The following GLS2 variants were observed in gnomAD, a reference collection of about 807,000 sequenced individuals.
GLS2 encodes glutaminase 2.
A neutral mutation model predicts 79.0 loss-of-function variants in GLS2; 52 were observed. The ratio of observed to expected loss-of-function variants is 0.66; its 90% confidence interval spans 0.53 to 0.83. The LOEUF is 0.83. Among genes scored for constraint, GLS2 ranks in the 40% least tolerant of loss-of-function variants. The probability of loss-of-function intolerance (pLI) is 0.00; values close to 1 mark genes in which losing one functional copy is unlikely to be tolerated. For missense variants in GLS2, 561 were observed against 764.8 expected (o/e 0.73, Z 3.14); for synonymous variants, 238 against 280.8 (o/e 0.85, Z 1.52).
At position 56,479,040 on chromosome 12, in the gene GLS2, CCTGA is replaced by C. The variant is rs1870074401; in HGVS notation, c.534+8_534+11del. ...AGGTCCCTGACCCCTCCCTTAGTCC[CCTGA>C]CTCTCACTTTGCCTCCAGTGAGCTC... On this transcript the variant is annotated splice_region_variant and intron_variant, in intron 4 of 17. Transcript: ENST00000311966. 1 of 1,613,170 alleles carries C rather than the reference CCTGA, an allele frequency of 6.2e-7. No homozygotes were observed. The highest frequency in any genetic ancestry group is 1.3e-5 in the African/African-American group (1 of 74,884).
At chr12:56,478,711 A>G in intron 4 of GLS2, 2 of 279,168 alleles carry the variant, frequency 7.2e-6, no homozygotes, top group Non-Finnish European at 6.9e-6. Context: ...AGCGAGGTAT[A>G]TCTAGGTGTG....
intron 12 of GLS2, chr12:56,474,284 T>G (rs1410186085): frequency 2.2e-6 from 1 of 448,070 alleles, no homozygotes; most frequent in Non-Finnish European, 4.1e-6. Context: ...AGATGGGGTT[T>G]CACCATGTAG....
chr12:56,486,014 C>CAAA lies in GLS2; in HGVS notation c.182+1920_182+1922dup, dbSNP rs11414489. Among the ~76,000 whole-genome samples the CAAA allele has an allele frequency of 9.5e-3, 890 of 93,300 alleles. 27 individuals carry two copies. Among genetic ancestry groups the CAAA allele is most frequent in the Middle Eastern group, 0.03 (5 of 166 alleles). 61.2% of individuals were successfully genotyped at this position (93,300 alleles called of 152,430 possible). A position where few individuals can be genotyped will look rare whatever the true frequency, so the allele number is the denominator to read the frequency against. On this transcript the variant is annotated intron_variant, in intron 1 of 17. Transcript: ENST00000311966. ...CTGGGCGGCAAAGAGACTCTGTCTCCAAAAAAAAAAAAAAAAAAAAGTCAT... is the reference window on the plus strand; with the variant it reads ...CTGGGCGGCAAAGAGACTCTGTCTCCAAAAAAAAAAAAAAAAAAAAAAAGTCAT...
At chr12:56,485,431 A>AT (rs1360484028) in intron 1 of GLS2, among the ~76,000 whole-genome samples, 1,934 of 141,398 alleles carry the variant, frequency 0.014, 39 homozygotes, top group African/African-American at 0.042. Flanking sequence ...TAATTTCTGT[A>AT]TTTTTTTTTT....
chr12:56,474,609 G>A lies in GLS2; in HGVS notation c.1159C>T (p.Arg387Cys), dbSNP rs1267174068. The A allele has an allele frequency of 5.0e-6, 8 of 1,614,046 alleles. No individual in the cohort carries two copies. The highest frequency in any genetic ancestry group is 1.7e-5 in the Admixed American group (1 of 60,002). ...GAATGCATGAGGCTGAGGGTGTTGC[G>A]CACTGCTTCAGCACTCAGCACACTC... Reference protein sequence around the residue: ...GESVLSAEAVRNTLSLMHSCG... With the variant: ...GESVLSAEAVCNTLSLMHSCG... Residue 387 changes from arginine (R) to cysteine (C), a missense_variant, in exon 12 of 18, where the codon CGC (arginine) becomes TGC (cysteine). Coordinates refer to ENST00000311966, the MANE Select transcript of GLS2 (RefSeq NM_013267.4).
intron 12 of GLS2, chr12:56,474,084 T>C (rs114543535): frequency 0.017 from 2,575 of 148,804 alleles, 84 homozygotes; most frequent in African/African-American, 0.066. Flanking sequence ...CTGGTTGTTT[T>C]TCTTTTTCTT....
intron 1 of GLS2, among the ~76,000 whole-genome samples, chr12:56,483,950 A>G (rs974811932): frequency 6.6e-6 from 1 of 152,118 alleles, no homozygotes; most frequent in African/African-American, 2.4e-5. Context: ...CAGGCACAGG[A>G]TATTTCTAGA....
At chr12:56,474,287 C>T in intron 12 of GLS2, 1 of 456,108 alleles carries the variant, frequency 2.2e-6, no homozygotes, top group Non-Finnish European at 4.0e-6. Context: ...TGGGGTTTCA[C>T]CATGTAGGTC....
intron 1 of GLS2, among the ~76,000 whole-genome samples, chr12:56,487,153 C>T (rs1477902623): frequency 2.6e-5 from 4 of 152,168 alleles, no homozygotes; most frequent in African/African-American, 9.7e-5. Flanking sequence ...GACAAGATTT[C>T]CTGCTCAGCA....
At chr12:56,480,222 C>T in intron 2 of GLS2, 66 bp downstream of exon 2, 2 of 1,399,984 alleles carry the variant, frequency 1.4e-6, no homozygotes, top group Non-Finnish European at 2.0e-6. Context: ...CTTGTCATAC[C>T]CTCCTTTCCC....
chr12:56,488,097 G>T lies in GLS2; in HGVS notation c.22C>A (p.Gln8Lys), dbSNP rs1303572369. 11 of 1,561,392 alleles carry T rather than the reference G, an allele frequency of 7.0e-6. No homozygotes were observed. Among genetic ancestry groups the T allele is most frequent in the Non-Finnish European group, 6.9e-6 (8 of 1,160,402 alleles). The part of the protein sequence containing the change: MRSMKAL[Q>K]KALSRAGSHC... ...CTGCCAGCCCGGCTCAGGGCCTTCTGCAGAGCCTTCATGGAGCGCATGCCC... is the reference window on the plus strand; with the variant it reads ...CTGCCAGCCCGGCTCAGGGCCTTCTTCAGAGCCTTCATGGAGCGCATGCCC... The change falls in exon 1 of 18, where the codon CAG becomes AAG. Residue 8 changes from glutamine to lysine, a missense_variant. Coordinates refer to ENST00000311966, the MANE Select transcript of GLS2 (RefSeq NM_013267.4).
chr12:56,483,901 C>T (rs1018996169), intron 1 of GLS2, among the ~76,000 whole-genome samples: 5 of 151,572 alleles, frequency 3.3e-5, no homozygotes, highest in African/African-American at 1.2e-4. Context: ...GGTTGAAGCA[C>T]AGGTTTAAAA....
At chr12:56,475,544 C>T in intron 9 of GLS2, 80 bp downstream of exon 9, 1 of 1,424,230 alleles carries the variant, frequency 7.0e-7, no homozygotes, top group South Asian at 1.2e-5. Context: ...ATTCTCTCTC[C>T]CCCATTCCTC....
At chr12:56,482,503 A>C (rs1870374103) in intron 1 of GLS2, among the ~76,000 whole-genome samples, 1 of 152,216 alleles carries the variant, frequency 6.6e-6, no homozygotes, top group Non-Finnish European at 1.5e-5. Context: ...TGCCGGTTTG[A>C]CACAACACAC....
intron 1 of GLS2, among the ~76,000 whole-genome samples, chr12:56,483,611 G>A (rs1219531649): frequency 6.6e-6 from 1 of 151,942 alleles, no homozygotes; most frequent in Non-Finnish European, 1.5e-5. Flanking sequence ...TAGTATTTAT[G>A]TTTGTTTGTT....
chr12:56,477,816 G>T, intron 6 of GLS2, 98 bp from the exon 7 acceptor site: 1 of 1,540,956 alleles, frequency 6.5e-7, no homozygotes, highest in Non-Finnish European at 8.8e-7. Flanking sequence ...CTGCTAGGGA[G>T]AAAGGCATGA....
chr12:56,485,341 C>T (rs1426314703), intron 1 of GLS2, among the ~76,000 whole-genome samples: 1 of 152,064 alleles, frequency 6.6e-6, no homozygotes, highest in Non-Finnish European at 1.5e-5. Context: ...ACTACAGCCT[C>T]GACCTACAGG....
Position 56,471,291 on chromosome 12 carries a change from A to G in GLS2, c.*196T>C, listed in dbSNP as rs147621981. On this transcript the variant is annotated 3_prime_UTR_variant, in exon 18 of 18. Transcript: ENST00000311966. Reference sequence around the variant, plus strand: ...ATAGCTGTACTGCAGGTGTCCTCTGAGGCCCTTCTCTGTACTCTGTCTGCT... The same window carrying G: ...ATAGCTGTACTGCAGGTGTCCTCTGGGGCCCTTCTCTGTACTCTGTCTGCT... The G allele has an allele frequency of 4.5e-4, 256 of 572,042 alleles. 2 individuals are homozygous for G. Among genetic ancestry groups the G allele is most frequent in the African/African-American group, 4.4e-3 (234 of 53,428 alleles). The allele number at this position is 572,042 out of a possible 1,614,324, so 35.4% of individuals were successfully genotyped here.
chr12:56,473,400 G>A lies in GLS2; in HGVS notation c.1356+63C>T, dbSNP rs934110124. Reference sequence around the variant, plus strand: ...TCAAAATTGCTTTATTATAGTAAAAGTGGTACCATTAAACAAATTTATTGC... The same window carrying A: ...TCAAAATTGCTTTATTATAGTAAAAATGGTACCATTAAACAAATTTATTGC... On this transcript the variant is annotated intron_variant, in intron 13 of 17. Transcript: ENST00000311966. 1.9e-6 allele frequency: 3 copies of A among 1,604,406 alleles called. No homozygotes were observed. The African/African-American group carries it at 4.0e-5, about 22-fold the overall frequency.
Sources: gnomAD v4.1 joint callset for allele counts (sites outside exome capture counted in the v4.1 genomes callset) on GRCh38, gnomAD v4.1.1 for gene constraint, MANE v1.5 for transcripts, NCBI Gene and HGNC (gene_info 2026-07-23, HGNC 2026-07-21) for gene names.